Variants in HOMER2 observed in about 807,000 individuals in gnomAD.
HOMER2 encodes homer scaffold protein 2, also known as homer protein homolog 2.
In HOMER2, 27 loss-of-function variants were observed where a neutral mutation model predicts 47.0. The observed-to-expected ratio is 0.57, with a 90% CI of 0.42 to 0.79. The LOEUF (loss-of-function observed/expected upper bound fraction) is 0.79. Among genes scored for constraint, HOMER2 ranks in the 30% least tolerant of loss-of-function variants. The pLI, the probability that HOMER2 is intolerant of heterozygous loss-of-function variation, is 0.00. For synonymous variants in HOMER2, 161 were observed against 163.8 expected (o/e 0.98, Z 0.13); for missense variants, 443 against 435.0 (o/e 1.02, Z -0.16).
At chr15:82,954,882 G>A (rs575273024), upstream of HOMER2, among the ~76,000 whole-genome samples, 13 of 151,590 alleles carry the variant, frequency 8.6e-5, no homozygotes, top group East Asian at 2.0e-4. Flanking sequence ...AGGTTCAAGC[G>A]ATTCTCCTGC....
intron 1 of HOMER2, among the ~76,000 whole-genome samples, chr15:82,923,810 C>T (rs1321834373): frequency 6.6e-6 from 1 of 152,314 alleles, no homozygotes; most frequent in South Asian, 2.1e-4. Context: ...TTGATCTTAC[C>T]ATCAACCTCC....
At chr15:82,902,707 G>A (rs1454523640) in intron 1 of HOMER2, among the ~76,000 whole-genome samples, 2 of 152,176 alleles carry the variant, frequency 1.3e-5, no homozygotes, top group African/African-American at 4.8e-5. Context: ...TACCTGATAT[G>A]AGGGTATGAC....
intron 1 of HOMER2, among the ~76,000 whole-genome samples, chr15:82,977,293 G>A (rs1317287403): frequency 6.6e-6 from 1 of 152,204 alleles, no homozygotes; most frequent in Non-Finnish European, 1.5e-5. Context: ...TGTGTTATCT[G>A]AGGGAACATA....
intron 3 of HOMER2, among the ~76,000 whole-genome samples, chr15:82,867,245 A>G (rs2052000615): frequency 6.6e-6 from 1 of 152,126 alleles, no homozygotes; most frequent in Admixed American, 6.5e-5. Context: ...AGAACTGAGC[A>G]TGTATCAAGC....
At chr15:82,858,952 C>A in intron 5 of HOMER2, 77 bp downstream of exon 5, 3 of 1,507,816 alleles carry the variant, frequency 2.0e-6, no homozygotes, top group South Asian at 2.6e-5. Context: ...TTTCCTGAAA[C>A]CCTGTCCAGC....
At chr15:82,916,338 G>A (rs2053586965) in intron 1 of HOMER2, among the ~76,000 whole-genome samples, 1 of 152,086 alleles carries the variant, frequency 6.6e-6, no homozygotes, top group Non-Finnish European at 1.5e-5. Flanking sequence ...AGCTGTGCTG[G>A]GTGCCAAGAA....
chr15:82,977,109 T>C (rs1354962912), intron 1 of HOMER2, among the ~76,000 whole-genome samples: 1 of 152,140 alleles, frequency 6.6e-6, no homozygotes, highest in East Asian at 1.9e-4. Flanking sequence ...ACACAAATAT[T>C]ACATAAATGA....
chr15:82,979,021 G>A (rs879773924), intron 1 of HOMER2, among the ~76,000 whole-genome samples: 4 of 152,168 alleles, frequency 2.6e-5, no homozygotes, highest in African/African-American at 9.7e-5. Context: ...ACCTGGCCAC[G>A]ATCTGACAGT....
At chr15:82,922,096 T>C (rs1258109534) in intron 1 of HOMER2, among the ~76,000 whole-genome samples, 1 of 152,204 alleles carries the variant, frequency 6.6e-6, no homozygotes, top group African/African-American at 2.4e-5. Flanking sequence ...CAAGGGCTCC[T>C]ATTGGTGGGA....
chr15:82,894,627 C>T (rs1375714302), intron 1 of HOMER2, among the ~76,000 whole-genome samples: 1 of 144,196 alleles, frequency 6.9e-6, no homozygotes, highest in East Asian at 2.0e-4. Context: ...GCTGAGATCA[C>T]ACCACTGCAC....
chr15:82,860,396 C>T (rs1467826397), intron 4 of HOMER2, among the ~76,000 whole-genome samples: 1 of 151,912 alleles, frequency 6.6e-6, no homozygotes, highest in Non-Finnish European at 1.5e-5. Context: ...AGTAGGTGCA[C>T]AGATTAAACA....
intron 1 of HOMER2, among the ~76,000 whole-genome samples, chr15:82,939,687 G>A (rs1343552994): frequency 2.0e-5 from 3 of 152,036 alleles, no homozygotes; most frequent in Non-Finnish European, 4.4e-5. Context: ...ACAAAAAAAA[G>A]AACATGAATT....
At chr15:82,879,341 C>T (rs942164893) in intron 2 of HOMER2, among the ~76,000 whole-genome samples, 6 of 152,110 alleles carry the variant, frequency 3.9e-5, no homozygotes, top group African/African-American at 1.4e-4. Flanking sequence ...ACTAAAAATA[C>T]AAAAATTAGC....
intron 8 of HOMER2, 45 bp downstream of exon 8, chr15:82,851,106 G>A: frequency 8.2e-7 from 1 of 1,212,420 alleles, no homozygotes; most frequent in Non-Finnish European, 1.2e-6. Flanking sequence ...TGACATTTGT[G>A]CCTTCTTGTC....
intron 4 of HOMER2, among the ~76,000 whole-genome samples, chr15:82,860,538 A>C (rs1343112691): frequency 6.6e-6 from 1 of 152,228 alleles, no homozygotes; most frequent in African/African-American, 2.4e-5. Context: ...ATCAATACAA[A>C]AGATTAACAC....
At chr15:82,908,137 TCTGA>T (rs1425780670) in intron 1 of HOMER2, among the ~76,000 whole-genome samples, 1 of 121,512 alleles carries the variant, frequency 8.2e-6, no homozygotes, top group Non-Finnish European at 2.0e-5. Flanking sequence ...GCTAATGGAT[TCTGA>T]CTTTCAGGGG....
At chr15:82,848,460 C>A (rs1750760932), downstream of HOMER2, among the ~76,000 whole-genome samples, 1 of 152,214 alleles carries the variant, frequency 6.6e-6, no homozygotes, top group South Asian at 2.1e-4. Flanking sequence ...ACAGCACCCA[C>A]AGGCCCGCTG....
chr15:82,854,682 A>G lies in HOMER2; in HGVS notation c.613T>C (p.Ser205Pro). 6.2e-7 allele frequency: 1 copy of G among 1,613,104 alleles called. No homozygotes were observed. The highest frequency in any genetic ancestry group is 8.5e-7 in the Non-Finnish European group (1 of 1,179,848). ...ASVEQWKRQF[S>P]ICRDENDRLR... The stretch of plus-strand genomic sequence containing the variant: ...CGGTCATTCTCATCACGGCAGATGG[A>G]GAACTGCCTCTTCCACTGCTCCACA... Residue 205 changes from serine (S) to proline (P), a missense_variant, in exon 6 of 9, where the codon TCC becomes CCC. Physicochemically the swap from Ser to Pro is moderately conservative, Grantham distance 74. Transcript: ENST00000450735.
chr15:82,925,238 C>A (rs894223421), intron 1 of HOMER2, among the ~76,000 whole-genome samples: 1 of 152,242 alleles, frequency 6.6e-6, no homozygotes, highest in Non-Finnish European at 1.5e-5. Context: ...CAAGGTTTCA[C>A]AGCCCCTGCA....
Sources: gnomAD v4.1 joint callset for allele counts (sites outside exome capture counted in the v4.1 genomes callset) on GRCh38, gnomAD v4.1.1 for gene constraint, MANE v1.5 for transcripts, NCBI Gene and HGNC (gene_info 2026-07-23, HGNC 2026-07-21) for gene names.